Variants in SLC27A4 observed in about 807,000 individuals in gnomAD.
The protein encoded by SLC27A4 is long-chain fatty acid transport protein 4.
A neutral mutation model predicts 64.4 loss-of-function variants in SLC27A4; 33 were observed. The ratio of observed to expected loss-of-function variants is 0.51; its 90% CI spans 0.39 to 0.68. SLC27A4 has a LOEUF of 0.68. Ranked by LOEUF, SLC27A4 falls within the 30% of genes least tolerant of loss-of-function variation. The probability of loss-of-function intolerance (pLI) is 0.00; values close to 1 mark genes in which losing one functional copy is unlikely to be tolerated. For synonymous variants in SLC27A4, 377 were observed against 370.0 expected (o/e 1.02, Z -0.22); for missense variants, 824 against 883.5 (o/e 0.93, Z 0.85).
chr9:128,340,935 C>T, intron 1 of SLC27A4, 97 bp downstream of exon 1: 1 of 484,036 alleles, frequency 2.1e-6, no homozygotes, highest in Non-Finnish European at 3.8e-6. Flanking sequence ...GGGGCGCGCC[C>T]TGCGGCGCTA....
chr9:128,346,908 G>C (rs1200109249), intron 3 of SLC27A4, among the ~76,000 whole-genome samples: 1 of 152,060 alleles, frequency 6.6e-6, no homozygotes, highest in Non-Finnish European at 1.5e-5. Context: ...GGGAGACTGA[G>C]GTAGGAGAAT....
At chr9:128,348,892 C>A (rs547662521) in intron 4 of SLC27A4, among the ~76,000 whole-genome samples, 189 bp downstream of exon 4, 1 of 152,328 alleles carries the variant, frequency 6.6e-6, no homozygotes, top group African/African-American at 2.4e-5. Context: ...GTGAAGGTGA[C>A]ATGAGCTGAT....
chr9:128,347,346 G>T (rs1228169678), intron 3 of SLC27A4, among the ~76,000 whole-genome samples: 2 of 152,144 alleles, frequency 1.3e-5, no homozygotes, highest in Non-Finnish European at 2.9e-5. Flanking sequence ...GTAGAACTGG[G>T]GTTTGATCTT....
chr9:128,343,309 A>T lies in SLC27A4; in HGVS notation c.161+16A>T, dbSNP rs1282297928. 7 of 1,613,930 alleles carry T rather than the reference A, an allele frequency of 4.3e-6. No individual in the cohort carries two copies. Among genetic ancestry groups the T allele is most frequent in the Non-Finnish European group, 5.9e-6 (7 of 1,180,008 alleles). Reference sequence around the variant, plus strand: ...GCGATATCTTGTGAGTACCTGGCCCAGCCTTTCCTGGGGTCTGCCACACTA... The same window carrying T: ...GCGATATCTTGTGAGTACCTGGCCCTGCCTTTCCTGGGGTCTGCCACACTA... On this transcript the variant is annotated intron_variant, in intron 2 of 12. Coordinates refer to ENST00000300456, the MANE Select transcript of SLC27A4 (RefSeq NM_005094.4).
In SLC27A4 at chr9:128,355,034, C is replaced by T; in HGVS notation, c.1325-19C>T. The T allele has an allele frequency of 1.9e-6, 3 of 1,608,726 alleles. No individual in the cohort carries two copies. The highest frequency in any genetic ancestry group is 2.5e-6 in the Non-Finnish European group (3 of 1,177,980). Reference sequence around the variant, plus strand: ...AGAGGCTGCCTAGGGCAGATCTGACCCTGCCTTCCCCACCCCAGGTGAGCC... The same window carrying T: ...AGAGGCTGCCTAGGGCAGATCTGACTCTGCCTTCCCCACCCCAGGTGAGCC... On this transcript the variant is annotated intron_variant, in intron 9 of 12. Transcript: ENST00000300456.
At position 128,348,711 on chromosome 9, in the gene SLC27A4, C is replaced by T. The variant is rs759568447; in HGVS notation, c.715+8C>T. ...CTGACAAGGGCTTCACAGGTGGGCT[C>T]CATCCCCTCCCCATAGAGGGGCTCT... On this transcript the variant is annotated splice_region_variant and intron_variant, in intron 4 of 12. Transcript: ENST00000300456. 1.2e-6 allele frequency: 2 copies of T among 1,613,562 alleles called. No homozygotes were observed. The highest frequency in any genetic ancestry group is 8.5e-7 in the Non-Finnish European group (1 of 1,179,982).
In SLC27A4 at chr9:128,354,118, A is replaced by G. The variant is rs1175602777; in HGVS notation, c.1324+577A>G. The stretch of plus-strand genomic sequence containing the variant: ...CCCACCATGCCCGGCTAGTTTTTCT[A>G]TTTTCAATAGAGATGGGGTTTCACC... On this transcript the variant is annotated intron_variant, in intron 9 of 12. Coordinates refer to ENST00000300456, the MANE Select transcript of SLC27A4 (RefSeq NM_005094.4). Among the ~76,000 whole-genome samples the G allele has an allele frequency of 5.3e-5, 8 of 149,804 alleles. No individual in the cohort carries two copies. In the East Asian group the frequency reaches 1.2e-3, roughly 22 times the overall value.
intron 2 of SLC27A4, 114 bp downstream of exon 2, chr9:128,343,407 T>G: frequency 7.8e-7 from 1 of 1,281,514 alleles, no homozygotes; most frequent in Non-Finnish European, 1.1e-6. Context: ...GCAGCTGAGC[T>G]GAGTTCCAGA....
In SLC27A4 at chr9:128,355,532, G is replaced by T; in HGVS notation, c.1597G>T (p.Asp533Tyr). Reference protein sequence around the residue: ...GTLSRLLDMADVAVYGVEVPG... With the variant: ...GTLSRLLDMAYVAVYGVEVPG... ...ACTCAGCCGCCTGCTGGACATGGCT[G>T]ACGTGGCCGTGTATGGTGTCGAGGT... The change falls in exon 11 of 13, where the codon GAC becomes TAC. Residue 533 changes from aspartate (D) to tyrosine (Y), a missense_variant. Coordinates refer to ENST00000300456, the MANE Select transcript of SLC27A4 (RefSeq NM_005094.4). The T allele has an allele frequency of 6.2e-7, 1 of 1,612,436 alleles. No homozygotes were observed.
In SLC27A4 at chr9:128,355,498, G is replaced by A; in HGVS notation, c.1563G>A (p.Val521=). ...GTGAGAACGTGTCCACCACCGAGGT[G>A]GAAGGCACACTCAGCCGCCTGCTGG... ...WKGENVSTTE[V]EGTLSRLLDM... is the part of the protein sequence containing the mutation. Residue 521 remains valine, a synonymous_variant, in exon 11 of 13, where the codon GTG becomes GTA. Coordinates refer to ENST00000300456, the MANE Select transcript of SLC27A4 (RefSeq NM_005094.4). The A allele has an allele frequency of 1.2e-6, 2 of 1,613,428 alleles. No homozygotes were observed. Among genetic ancestry groups the A allele is most frequent in the Non-Finnish European group, 1.7e-6 (2 of 1,180,034 alleles).
rs771758594 is a variant in SLC27A4, at chr9:128,350,337, C to A, written c.741C>A (p.Ser247=). The A allele has an allele frequency of 1.2e-6, 2 of 1,613,226 alleles. No homozygotes were observed. The highest frequency in any genetic ancestry group is 3.3e-5 in the Admixed American group (2 of 60,026). ...FTDKLFYIYT[S]GTTGLPKAAI... ...ATAAACTGTTCTACATCTACACATC[C>A]GGCACCACAGGGCTGCCCAAGGCCG... The change falls in exon 5 of 13, where the codon TCC becomes TCA. Residue 247 remains serine, a synonymous_variant. Coordinates refer to ENST00000300456, the MANE Select transcript of SLC27A4 (RefSeq NM_005094.4).
chr9:128,358,491 C>T (rs958373167), intron 12 of SLC27A4, among the ~76,000 whole-genome samples: 14 of 152,284 alleles, frequency 9.2e-5, no homozygotes, highest in South Asian at 8.3e-4. Context: ...TCGCCCAGGC[C>T]GGAGTGCAGT....
intron 6 of SLC27A4, among the ~76,000 whole-genome samples, chr9:128,351,732 A>C (rs1588561187): frequency 6.6e-6 from 1 of 152,100 alleles, no homozygotes; most frequent in South Asian, 2.1e-4. Context: ...AAATAAATAA[A>C]TTAATTTAAT....
intron 3 of SLC27A4, among the ~76,000 whole-genome samples, chr9:128,347,527 G>A (rs975797134): frequency 2.6e-5 from 4 of 151,844 alleles, no homozygotes; most frequent in African/African-American, 9.7e-5. Context: ...GAGAGTTAAA[G>A]ACTAGACTGG....
chr9:128,353,327 G>A lies in SLC27A4; in HGVS notation c.1198-88G>A. On this transcript the variant is annotated intron_variant, in intron 8 of 12. Coordinates refer to ENST00000300456, the MANE Select transcript of SLC27A4 (RefSeq NM_005094.4). The surrounding 1 kb of genome is among the most constrained non-coding windows in gnomAD (Gnocchi z 4.9). ...GGGAGGGCAGAGTTCGAGCGTGAGA[G>A]TGTGGGTGCTGGAGTCCCACTTCCC... is the stretch of plus-strand genomic sequence containing the variant. 1 of 1,610,678 alleles carries A rather than the reference G, an allele frequency of 6.2e-7. No homozygotes were observed. Among genetic ancestry groups the A allele is most frequent in the Non-Finnish European group, 8.5e-7 (1 of 1,177,440 alleles).
chr9:128,340,984 G>T, intron 1 of SLC27A4, 146 bp downstream of exon 1: 2 of 483,148 alleles, frequency 4.1e-6, no homozygotes, highest in Non-Finnish European at 7.5e-6. Context: ...CTGTCTAGGG[G>T]CGAGGGCGGC....
Position 128,352,692 on chromosome 9 carries a change from G to A in SLC27A4, c.932G>A (p.Arg311Gln), listed in dbSNP as rs771809233. ...CLLHGMTVVIRKKFSASRFWD... is the reference protein window; with the variant it reads ...CLLHGMTVVIQKKFSASRFWD... ...CTGCATGGCATGACGGTGGTGATTCGGAAGAAGTTCTCAGCCTCCCGGTTC... is the reference window on the plus strand; with the variant it reads ...CTGCATGGCATGACGGTGGTGATTCAGAAGAAGTTCTCAGCCTCCCGGTTC... The change falls in exon 7 of 13, where the codon CGG becomes CAG. Residue 311 changes from arginine (R) to glutamine (Q), a missense_variant. By Grantham distance (43) the Arg-to-Gln change is conservative. Transcript: ENST00000300456. The A allele has an allele frequency of 5.0e-5, 80 of 1,614,048 alleles. No individual in the cohort carries two copies. The highest frequency in any genetic ancestry group is 6.4e-5 in the Non-Finnish European group (76 of 1,180,032).
chr9:128,343,379 G>A, intron 2 of SLC27A4, 86 bp downstream of exon 2: 1 of 1,510,340 alleles, frequency 6.6e-7, no homozygotes. Flanking sequence ...CAGACCTCAT[G>A]TTCTCTACCA....
intron 12 of SLC27A4, 149 bp downstream of exon 12, chr9:128,355,945 G>T: frequency 9.8e-7 from 1 of 1,022,972 alleles, no homozygotes; most frequent in Non-Finnish European, 1.5e-6. Context: ...GAGCAGACGG[G>T]GCTGGCAGAG....
Sources: allele counts gnomAD v4.1 joint callset (sites outside exome capture counted in the v4.1 genomes callset), GRCh38; gene constraint gnomAD v4.1.1; non-coding constraint Gnocchi (gnomAD v3.1); transcripts MANE v1.5; gene names NCBI Gene and HGNC (gene_info 2026-07-23, HGNC 2026-07-21).